LEMD1: variants seen among roughly 807,000 people sequenced by gnomAD.
The protein encoded by LEMD1 is LEM domain containing 1, also known as LEM domain-containing protein 1.
LEMD1 carries 18 observed loss-of-function variants against 17.4 expected under a neutral mutation model. The observed-to-expected ratio is 1.04, with a 90% confidence interval of 0.72 to 1.54. LEMD1 has a LOEUF of 1.54. Among genes scored for constraint, LEMD1 ranks in the 40% most tolerant of loss-of-function variants. The pLI, the probability that LEMD1 is intolerant of heterozygous loss-of-function variation, is 0.00. For missense variants in LEMD1, 195 were observed against 210.4 expected (o/e 0.93, Z 0.45); for synonymous variants, 88 against 77.8 (o/e 1.13, Z -0.69).
chr1:205,412,255 C>T (rs1005269328), intron 4 of LEMD1, among the ~76,000 whole-genome samples: 4 of 152,154 alleles, frequency 2.6e-5, no homozygotes, highest in Non-Finnish European at 2.9e-5. Flanking sequence ...GTTACACATA[C>T]TGACTTAATG....
intron 4 of LEMD1, among the ~76,000 whole-genome samples, chr1:205,412,225 G>C (rs1343792513): frequency 4.6e-5 from 7 of 152,102 alleles, no homozygotes; most frequent in Non-Finnish European, 1.0e-4. Context: ...CCGTTTGGTA[G>C]AAGGGCACTT....
intron 4 of LEMD1, among the ~76,000 whole-genome samples, chr1:205,389,037 CTTTTTT>C (rs61341380): frequency 6.4e-5 from 5 of 77,828 alleles, no homozygotes; most frequent in Non-Finnish European, 9.5e-5. Context: ...CATTTGCTTT[CTTTTTT>C]TTTTTTTTTT....
At chr1:205,438,558 T>A (rs1666244201) in intron 1 of LEMD1, among the ~76,000 whole-genome samples, 1 of 152,116 alleles carries the variant, frequency 6.6e-6, no homozygotes, top group Admixed American at 6.5e-5. Flanking sequence ...AGGAGCAAAG[T>A]CCCCATTTTC....
At chr1:205,434,363 T>C (rs951497486) in intron 1 of LEMD1, among the ~76,000 whole-genome samples, 1 of 108,786 alleles carries the variant, frequency 9.2e-6, no homozygotes, top group South Asian at 2.9e-4. Flanking sequence ...ATATATATAT[T>C]ATATATATAT....
At chr1:205,404,603 G>C (rs555432418) in intron 4 of LEMD1, among the ~76,000 whole-genome samples, 1 of 152,134 alleles carries the variant, frequency 6.6e-6, no homozygotes, top group Non-Finnish European at 1.5e-5. Context: ...GTCTCTGCAC[G>C]TGAGATGGGT....
At chr1:205,393,006 G>A (rs996207658) in intron 4 of LEMD1, among the ~76,000 whole-genome samples, 2 of 152,172 alleles carry the variant, frequency 1.3e-5, no homozygotes, top group African/African-American at 4.8e-5. Flanking sequence ...CTATTCAGGA[G>A]GCTGAGGCAG....
chr1:205,424,136 A>G (rs1371733969), upstream of LEMD1, among the ~76,000 whole-genome samples: 1 of 152,234 alleles, frequency 6.6e-6, no homozygotes, highest in Non-Finnish European at 1.5e-5. Context: ...GTAGATTTGC[A>G]GTTGCAATTG....
At chr1:205,397,509 T>C (rs1664647523) in intron 4 of LEMD1, among the ~76,000 whole-genome samples, 1 of 152,216 alleles carries the variant, frequency 6.6e-6, no homozygotes, top group Admixed American at 6.5e-5. Context: ...CTCAGAAGTC[T>C]GAGCCCAGGA....
chr1:205,387,938 T>G (rs1367612385), intron 4 of LEMD1, among the ~76,000 whole-genome samples: 1 of 152,250 alleles, frequency 6.6e-6, no homozygotes, highest in East Asian at 1.9e-4. Context: ...ATCAGTAAAC[T>G]AATTTCATTC....
At chr1:205,392,450 GAGGATCGTTTGAGCCC>G (rs1433453353) in intron 4 of LEMD1, among the ~76,000 whole-genome samples, 59 of 152,004 alleles carry the variant, frequency 3.9e-4, no homozygotes, top group Non-Finnish European at 5.3e-4. Context: ...GCTGAGGCAG[GAGGATCGTTTGAGCCC>G]AGGAGTTTGA....
chr1:205,426,808 T>C (rs55675807), upstream of LEMD1, among the ~76,000 whole-genome samples: 19,969 of 152,008 alleles, frequency 0.13, 1,912 homozygotes, highest in African/African-American at 0.28. Flanking sequence ...TGGGTTGCCA[T>C]CCTGGAGGCC....
intron 4 of LEMD1, among the ~76,000 whole-genome samples, chr1:205,400,845 C>CCT (rs1553393655): frequency 1.9e-5 from 1 of 51,576 alleles, no homozygotes; most frequent in Non-Finnish European, 3.7e-5. Context: ...GCTATCCCTC[C>CCT]CCCCCCCCAC....
chr1:205,407,341 A>AG, intron 4 of LEMD1, among the ~76,000 whole-genome samples: 1 of 151,896 alleles, frequency 6.6e-6, no homozygotes, highest in South Asian at 2.1e-4. Context: ...AAAAAAAAAA[A>AG]AAAAAAAAGG....
rs761842795 is a variant in LEMD1 at position 205,448,414 on chromosome 1, AGGAATCTCATAGGGAAGCGAGAAGCTG to A, written c.-39+1427_-39+1453del. ...CAGCAGAGTGGAGGGGTCCAGCGGC[AGGAATCTCATAGGGAAGCGAGAAGCTG>A]GGGCACCCGAGAAGCCCTCACTCCC... On this transcript the variant is annotated intron_variant, in intron 1 of 3. Transcript: ENST00000367154. The surrounding 1 kb of genome is among the most constrained non-coding windows in gnomAD (Gnocchi z 4.7). 2 of 533,908 alleles carry A rather than the reference AGGAATCTCATAGGGAAGCGAGAAGCTG, an allele frequency of 3.7e-6. No individual in the cohort carries two copies. 33.1% of individuals were successfully genotyped at this position (533,908 alleles called of 1,614,324 possible). A position where few individuals can be genotyped will look rare whatever the true frequency, so the allele number is the denominator to read the frequency against.
At chr1:205,395,059 T>C (rs1197956533) in intron 4 of LEMD1, among the ~76,000 whole-genome samples, 1 of 152,134 alleles carries the variant, frequency 6.6e-6, no homozygotes, top group Admixed American at 6.6e-5. Context: ...TTCTTGTCAT[T>C]GTACTGTGAT....
chr1:205,400,861 A>G (rs1574963970), intron 4 of LEMD1, among the ~76,000 whole-genome samples: 1 of 64,056 alleles, frequency 1.6e-5, no homozygotes, highest in East Asian at 6.9e-4. Flanking sequence ...CCCACCCCAC[A>G]ACAGTCACCA....
chr1:205,412,088 T>A (rs969487451), intron 4 of LEMD1, among the ~76,000 whole-genome samples: 4 of 152,176 alleles, frequency 2.6e-5, no homozygotes, highest in African/African-American at 9.7e-5. Flanking sequence ...CAGGTTAGTG[T>A]CCTTTTTCAA....
intron 5 of LEMD1, 121 bp downstream of exon 5, chr1:205,384,167 C>T (rs1379858860): frequency 4.2e-5 from 22 of 525,134 alleles, no homozygotes; most frequent in Non-Finnish European, 6.3e-6. Flanking sequence ...ACAAATCTTT[C>T]TCCTTTCTCA....
intron 4 of LEMD1, among the ~76,000 whole-genome samples, chr1:205,402,642 G>T (rs1055876883): frequency 6.6e-6 from 1 of 152,154 alleles, no homozygotes; most frequent in Non-Finnish European, 1.5e-5. Flanking sequence ...CATGTCGTCT[G>T]CAAACAGGGA....
Sources: gnomAD v4.1 joint callset for allele counts (sites outside exome capture counted in the v4.1 genomes callset) on GRCh38, gnomAD v4.1.1 for gene constraint, Gnocchi (gnomAD v3.1) non-coding constraint, MANE v1.5 for transcripts, NCBI Gene and HGNC (gene_info 2026-07-23, HGNC 2026-07-21) for gene names.